ANO4: variants seen among roughly 807,000 people sequenced by gnomAD.
ANO4 encodes anoctamin 4.
Under a neutral mutation model 141.9 loss-of-function variants are expected in ANO4, and 69 were observed. The ratio of observed to expected loss-of-function variants is 0.49; its 90% CI spans 0.40 to 0.59. The LOEUF is 0.59. ANO4 is among the 20% of genes least tolerant of loss of function. The pLI, the probability that ANO4 is intolerant of heterozygous loss-of-function variation, is 0.00. For synonymous variants in ANO4, 350 were observed against 394.3 expected (o/e 0.89, Z 1.33); for missense variants, 894 against 1,162.2 (o/e 0.77, Z 3.36).
At chr12:101,079,376 G>A (rs2049152842) in intron 15 of ANO4, 101 bp downstream of exon 15, 4 of 977,134 alleles carry the variant, frequency 4.1e-6, no homozygotes, top group Non-Finnish European at 4.8e-6. Context: ...CGGAAGTCAG[G>A]TGTACTCATA....
intron 9 of ANO4, among the ~76,000 whole-genome samples, chr12:101,021,399 A>T: frequency 6.6e-6 from 1 of 152,128 alleles, no homozygotes; most frequent in Non-Finnish European, 1.5e-5. Context: ...AGGAAGAGAA[A>T]CCCCTTCCTC....
intron 3 of ANO4, among the ~76,000 whole-genome samples, chr12:100,926,567 A>G (rs1481850269): frequency 6.6e-6 from 1 of 151,910 alleles, no homozygotes; most frequent in Non-Finnish European, 1.5e-5. Flanking sequence ...TTTTAGGAAC[A>G]GGCATTTACA....
Position 101,037,001 on chromosome 12 carries a change from G to C in ANO4, c.842-94G>C, listed in dbSNP as rs1364536909. On this transcript the variant is annotated intron_variant, in intron 9 of 27. Transcript: ENST00000392977. ...CCTAAGAGGGTTGATAGCCTAGATT[G>C]TTTCCTCCAAAAAGCACCACACTTA... The C allele has an allele frequency of 6.3e-6, 8 of 1,270,606 alleles. No homozygotes were observed. In the East Asian group the frequency reaches 1.9e-4, roughly 30 times the overall value. 78.7% of individuals were successfully genotyped at this position (1,270,606 alleles called of 1,614,324 possible). A position where few individuals can be genotyped will look rare whatever the true frequency, so the allele number is the denominator to read the frequency against.
In ANO4 at chr12:101,120,575, C is replaced by T; in HGVS notation, c.2626C>T (p.Gln876Ter). The T allele has an allele frequency of 6.2e-7, 1 of 1,614,104 alleles. No individual in the cohort carries two copies. The highest frequency in any genetic ancestry group is 8.5e-7 in the Non-Finnish European group (1 of 1,179,998). ...HSLVPYGYTL[Q>*]FWHVLAARLA... ...ACTGGTGCCCTATGGCTACACACTG[C>T]AGTTTTGGCATGTCCTAGCTGCTCG... The change falls in exon 26 of 28, where the codon CAG (glutamine) becomes TAG (stop). Residue 876 changes from glutamine (Q) to a stop codon, truncating the protein, a stop_gained. Transcript: ENST00000392977. LOFTEE classifies it high-confidence loss of function.
At position 100,730,035 on chromosome 12, in the gene ANO4, A is replaced by ATC. The variant is rs143580322; in HGVS notation, c.23-3723_23-3722dup. Among the ~76,000 whole-genome samples, 178 of 150,386 alleles carry ATC rather than the reference A, an allele frequency of 1.2e-3. 4 individuals carry two copies. In the East Asian group the frequency reaches 0.024, roughly 20 times the overall value. On this transcript the variant is annotated intron_variant, in intron 1 of 29. Coordinates refer to the ANO4 transcript ENST00000644049. ...TTCATAGTCATTTCTGTGCTTATAA[A>ATC]TCTCTCTCTCTCTCTCTGATTGTAT...
chr12:100,945,097 A>G (rs1470249470), intron 5 of ANO4, among the ~76,000 whole-genome samples: 2 of 152,178 alleles, frequency 1.3e-5, no homozygotes, highest in African/African-American at 4.8e-5. Flanking sequence ...GACACTATGC[A>G]CATTTTATGA....
chr12:100,827,136 A>G (rs1349280818), intron 1 of ANO4, among the ~76,000 whole-genome samples: 1 of 152,038 alleles, frequency 6.6e-6, no homozygotes, highest in African/African-American at 2.4e-5. Context: ...CTTTAGTCAG[A>G]TAGTAAAAGA....
intron 1 of ANO4, among the ~76,000 whole-genome samples, chr12:100,796,247 G>A (rs898207572): frequency 2.0e-5 from 3 of 152,252 alleles, no homozygotes; most frequent in Admixed American, 1.3e-4. Flanking sequence ...TGATTCATAA[G>A]GTACTGAACT....
intron 1 of ANO4, among the ~76,000 whole-genome samples, chr12:100,868,652 C>G (rs1327624488): frequency 1.3e-5 from 2 of 152,212 alleles, no homozygotes; most frequent in African/African-American, 4.8e-5. Flanking sequence ...GCCACCACAC[C>G]CAGGGCAGCC....
chr12:100,841,070 A>G (rs1027267211), intron 1 of ANO4, among the ~76,000 whole-genome samples: 2 of 151,916 alleles, frequency 1.3e-5, no homozygotes, highest in African/African-American at 2.4e-5. Context: ...GAACACCTTT[A>G]AAAAAAAGAT....
At chr12:100,985,646 TG>T (rs2044676248) in intron 7 of ANO4, among the ~76,000 whole-genome samples, 1 of 152,140 alleles carries the variant, frequency 6.6e-6, no homozygotes, top group Non-Finnish European at 1.5e-5. Context: ...ATATTTCTTT[TG>T]GGGCGGAGGG....
chr12:100,870,108 C>T (rs531719988), intron 1 of ANO4, among the ~76,000 whole-genome samples: 1 of 152,260 alleles, frequency 6.6e-6, no homozygotes, highest in South Asian at 2.1e-4. Flanking sequence ...TTATAGAGGC[C>T]TAACCCAGTG....
Position 101,048,360 on chromosome 12 carries a change from A to G in ANO4, c.1271A>G (p.Asn424Ser), listed in dbSNP as rs541493742. 5.6e-6 allele frequency: 9 copies of G among 1,613,810 alleles called. No individual in the cohort carries two copies. Among genetic ancestry groups the G allele is most frequent in the South Asian group, 3.3e-5 (3 of 91,062 alleles). Residue 424 changes from asparagine (N) to serine (S), a missense_variant, in exon 14 of 28, where the codon AAT becomes AGT. By Grantham distance (46) the Asn-to-Ser change is conservative (BLOSUM62 1). Transcript: ENST00000392977. ...VYAKVTHLFD[N>S]GATVFFAVFM... ...TCACAGGTAACCCACCTTTTTGACA[A>G]TGGAGCCACTGTCTTCTTTGCTGTT... is the stretch of plus-strand genomic sequence containing the variant.
chr12:100,916,733 G>A (rs1206191863), intron 2 of ANO4, among the ~76,000 whole-genome samples: 1 of 152,096 alleles, frequency 6.6e-6, no homozygotes, highest in Non-Finnish European at 1.5e-5. Context: ...TACTTATCAG[G>A]ATCAAGAAAT....
intron 7 of ANO4, among the ~76,000 whole-genome samples, chr12:100,986,049 TC>T (rs1289721753): frequency 6.6e-6 from 1 of 152,088 alleles, no homozygotes. Flanking sequence ...GTGGGTGCCA[TC>T]CAACCCATTG....
intron 3 of ANO4, among the ~76,000 whole-genome samples, chr12:100,754,706 A>G (rs1252838678): frequency 6.6e-6 from 1 of 152,194 alleles, no homozygotes; most frequent in African/African-American, 2.4e-5. Flanking sequence ...ATGTGGTATA[A>G]TATATTATAC....
In ANO4 at chr12:101,083,798, G is replaced by C; in HGVS notation, c.1516G>C (p.Ala506Pro). The C allele has an allele frequency of 6.4e-7, 1 of 1,566,504 alleles. No homozygotes were observed. Among genetic ancestry groups the C allele is most frequent in the Non-Finnish European group, 8.6e-7 (1 of 1,166,516 alleles). ...TDKCSRLIVS[A>P]SGIFFMICVV... ...TAAATGCAGCAGACTTATCGTTTCT[G>C]CATCTGGAATATTTTTTATGGTTTG... The change falls in exon 16 of 28, where the codon GCA becomes CCA. Residue 506 changes from alanine (A) to proline (P), a missense_variant. This residue lies in a region of ANO4 where 637 missense variants were observed against 909.2 expected (regional missense o/e 0.70). Transcript: ENST00000392977.
chr12:100,878,122 T>A (rs1372307457), intron 1 of ANO4, among the ~76,000 whole-genome samples: 3 of 152,144 alleles, frequency 2.0e-5, no homozygotes, highest in Non-Finnish European at 4.4e-5. Flanking sequence ...GCATTGAAGA[T>A]ATGCTCATGG....
chr12:100,998,198 G>A (rs1278393236), intron 8 of ANO4, among the ~76,000 whole-genome samples: 6 of 152,124 alleles, frequency 3.9e-5, no homozygotes, highest in East Asian at 3.9e-4. Flanking sequence ...GTGAAGAGGC[G>A]AGACTGGCCT....
Sources: gnomAD v4.1 joint callset for allele counts (sites outside exome capture counted in the v4.1 genomes callset) on GRCh38, gnomAD v4.1.1 for gene constraint, gnomAD v4.1.1 regional missense constraint, MANE v1.5 for transcripts, NCBI Gene and HGNC (gene_info 2026-07-23, HGNC 2026-07-21) for gene names.